Variants in TMC3 observed in about 807,000 individuals in gnomAD.
TMC3 encodes transmembrane channel like 3, also known as transmembrane channel-like protein 3.
TMC3 carries 98 observed loss-of-function variants against 110.6 expected under a neutral mutation model. That is an observed-to-expected ratio of 0.89 (90% CI 0.75 to 1.05). TMC3 has a LOEUF of 1.05. TMC3 is among the 50% of genes least tolerant of loss of function. TMC3 has a pLI of 0.00. For synonymous variants in TMC3, 489 were observed against 513.1 expected (o/e 0.95, Z 0.63); for missense variants, 1,319 against 1,373.2 (o/e 0.96, Z 0.62).
At chr15:81,339,770 C>A (rs1381833895) in intron 16 of TMC3, among the ~76,000 whole-genome samples, 1 of 152,198 alleles carries the variant, frequency 6.6e-6, no homozygotes, top group Non-Finnish European at 1.5e-5. Context: ...CACCTCAAAC[C>A]ATAAAAGTGG....
At chr15:81,356,714 C>G (rs1894072275) in intron 7 of TMC3, 120 bp from the exon 8 acceptor site, 1 of 1,112,000 alleles carries the variant, frequency 9.0e-7, no homozygotes, top group Non-Finnish European at 1.3e-6. Context: ...GACGCAGCTC[C>G]TCGGGTCACA....
chr15:81,338,831 A>G, intron 17 of TMC3, 51 bp from the exon 18 acceptor site: 2 of 1,602,470 alleles, frequency 1.2e-6, no homozygotes, highest in Non-Finnish European at 1.7e-6. Flanking sequence ...TGGCAGAAAG[A>G]TGCTGCAAGA....
chr15:81,369,793 G>C (rs1226130111), intron 2 of TMC3, among the ~76,000 whole-genome samples: 1 of 152,096 alleles, frequency 6.6e-6, no homozygotes, highest in Non-Finnish European at 1.5e-5. Flanking sequence ...GGATGTGGTG[G>C]CACATGACTG....
chr15:81,333,358 C>T, intron 21 of TMC3, 96 bp from the exon 22 acceptor site: 1 of 1,496,194 alleles, frequency 6.7e-7, no homozygotes, highest in Non-Finnish European at 8.9e-7. Flanking sequence ...TGAGCATTTT[C>T]ACTGAGGCTG....
intron 21 of TMC3, 125 bp from the exon 22 acceptor site, chr15:81,333,387 G>A: frequency 7.7e-7 from 1 of 1,300,700 alleles, no homozygotes; most frequent in East Asian, 2.4e-5. Flanking sequence ...TGGTTAATGG[G>A]TATGGATTGT....
intron 10 of TMC3, among the ~76,000 whole-genome samples, chr15:81,350,903 G>A (rs1344886497): frequency 6.6e-6 from 1 of 152,176 alleles, no homozygotes; most frequent in Non-Finnish European, 1.5e-5. Context: ...GGTTGGGGGG[G>A]AGAAGATTGT....
chr15:81,363,273 T>C (rs1194954046), intron 3 of TMC3, among the ~76,000 whole-genome samples: 1 of 152,004 alleles, frequency 6.6e-6, no homozygotes, highest in African/African-American at 2.4e-5. Flanking sequence ...AAAATTGTCT[T>C]ATGTTTTTAA....
Position 81,358,270 on chromosome 15 carries a change from G to C in TMC3, c.622C>G (p.Leu208Val), listed in dbSNP as rs778759327. The C allele has an allele frequency of 8.1e-6, 13 of 1,611,678 alleles. No individual in the cohort carries two copies. Among genetic ancestry groups the C allele is most frequent in the African/African-American group, 8.0e-5 (6 of 74,936 alleles). Residue 208 changes from leucine (L) to valine (V), a missense_variant, in exon 7 of 22, where the codon CTC becomes GTC. Coordinates refer to ENST00000359440, the MANE Select transcript of TMC3 (RefSeq NM_001080532.3). ...SLGGYLQYSVLFYGYYGRERK... is the reference protein window; with the variant it reads ...SLGGYLQYSVVFYGYYGRERK... ...TCCCTGCCGTAATATCCGTAGAAGAGGACAGAGTACTGGAGGTAGCCCTGC... is the reference window on the plus strand; with the variant it reads ...TCCCTGCCGTAATATCCGTAGAAGACGACAGAGTACTGGAGGTAGCCCTGC...
At chr15:81,351,899 T>C in intron 9 of TMC3, 58 bp from the exon 10 acceptor site, 7 of 1,579,870 alleles carry the variant, frequency 4.4e-6, no homozygotes, top group Non-Finnish European at 6.0e-6. Context: ...AGCACCACGA[T>C]GCAAAGACAA....
chr15:81,333,375 A>T, intron 21 of TMC3, 113 bp from the exon 22 acceptor site: 1 of 1,399,300 alleles, frequency 7.1e-7, no homozygotes, highest in Non-Finnish European at 9.6e-7. Context: ...GCTGGTTCCA[A>T]CTGGTTAATG....
Position 81,367,907 on chromosome 15 carries a change from ATG to A in TMC3, c.312+344_312+345del, listed in dbSNP as rs374365071. On this transcript the variant is annotated intron_variant, in intron 3 of 21. Coordinates refer to ENST00000359440, the MANE Select transcript of TMC3 (RefSeq NM_001080532.3). The stretch of plus-strand genomic sequence containing the variant: ...TGGCTCTGGAGACCACAGTGCTCAC[ATG>A]TGTGTGTGTTTTTTGTTGTTGTTGT... Among the ~76,000 whole-genome samples the A allele has an allele frequency of 5.7e-4, 87 of 152,104 alleles. No individual in the cohort carries two copies. The South Asian group carries it at 0.018, about 31-fold the overall frequency.
Position 81,351,717 on chromosome 15 carries a change from G to A in TMC3, c.1060C>T (p.Leu354=), listed in dbSNP as rs1384929290. Residue 354 remains leucine, a synonymous_variant, in exon 10 of 22, where the codon CTG becomes TTG. Coordinates refer to ENST00000359440, the MANE Select transcript of TMC3 (RefSeq NM_001080532.3). ...ACCTCATTCTTTTCCCAAAGTGTCA[G>A]CTCCTTCTTCGACTGCTCCAGCTTC... ...SQKLEQSKKE[L]TLWEKNEVSV... is the part of the protein sequence containing the mutation. 17 of 1,559,020 alleles carry A rather than the reference G, an allele frequency of 1.1e-5. No homozygotes were observed. The highest frequency in any genetic ancestry group is 1.5e-5 in the Non-Finnish European group (17 of 1,151,382).
rs76009010 is a variant in TMC3, at chr15:81,334,708, G to T, written c.2459+12C>A. 6.2e-7 allele frequency: 1 copy of T among 1,611,820 alleles called. No individual in the cohort carries two copies. Among genetic ancestry groups the T allele is most frequent in the Non-Finnish European group, 8.5e-7 (1 of 1,178,388 alleles). ...ATTCCAGGTTTTAATCTGTGCTGCAGTGGAGCCTCACCTGTTAGTTTCATG... is the reference window on the plus strand; with the variant it reads ...ATTCCAGGTTTTAATCTGTGCTGCATTGGAGCCTCACCTGTTAGTTTCATG... On this transcript the variant is annotated intron_variant, in intron 21 of 21. Transcript: ENST00000359440.
intron 3 of TMC3, among the ~76,000 whole-genome samples, chr15:81,365,632 T>C (rs565797916): frequency 1.4e-5 from 2 of 142,902 alleles, no homozygotes; most frequent in South Asian, 4.4e-4. Flanking sequence ...GATTGTGCCA[T>C]TGCACTCCAG....
intron 4 of TMC3, among the ~76,000 whole-genome samples, chr15:81,360,418 TC>T: frequency 6.6e-6 from 1 of 152,356 alleles, no homozygotes; most frequent in South Asian, 2.1e-4. Context: ...AAGTAAATTT[TC>T]CATAACTTAC....
At position 81,344,827 on chromosome 15, in the gene TMC3, T is replaced by C; in HGVS notation, c.1457A>G (p.Asn486Ser). Residue 486 changes from asparagine (N) to serine (S), a missense_variant, in exon 13 of 22, where the codon AAC (asparagine) becomes AGC (serine). Asn to Ser is a conservative substitution (Grantham distance 46). Transcript: ENST00000359440. Reference sequence around the variant, plus strand: ...ACTCTGAGTGTGGAGGCTAGTCTTGTTGGCCTTTATAAGAGGCATGGTATA... The same window carrying C: ...ACTCTGAGTGTGGAGGCTAGTCTTGCTGGCCTTTATAAGAGGCATGGTATA... ...SAYTMPLIKA[N>S]KTSLHTQSPQ... The C allele has an allele frequency of 1.2e-6, 2 of 1,613,996 alleles. No homozygotes were observed. Among genetic ancestry groups the C allele is most frequent in the South Asian group, 1.1e-5 (1 of 91,068 alleles).
chr15:81,355,065 C>A (rs1894030398), intron 9 of TMC3, among the ~76,000 whole-genome samples: 1 of 152,182 alleles, frequency 6.6e-6, no homozygotes, highest in Non-Finnish European at 1.5e-5. Flanking sequence ...TCCTCCCCCA[C>A]TCCCTAAGCT....
At position 81,334,785 on chromosome 15, in the gene TMC3, C is replaced by G. The variant is rs1454270194; in HGVS notation, c.2394G>C (p.Gly798=). 1 of 1,613,878 alleles carries G rather than the reference C, an allele frequency of 6.2e-7. No individual in the cohort carries two copies. The highest frequency in any genetic ancestry group is 8.5e-7 in the Non-Finnish European group (1 of 1,179,884). The part of the protein sequence containing the change: ...AQSMPQSPRP[G]DRAPSSPLPG... ...GGAGAGGTGAGCTAGGAGCCCTGTC[C>G]CCTGGCCTCGGGCTCTGGGGCATGG... is the stretch of plus-strand genomic sequence containing the variant. The change falls in exon 21 of 22, where the codon GGG becomes GGC. Residue 798 remains glycine, a synonymous_variant. Coordinates refer to ENST00000359440, the MANE Select transcript of TMC3 (RefSeq NM_001080532.3).
intron 12 of TMC3, among the ~76,000 whole-genome samples, chr15:81,345,384 G>A (rs571189445): frequency 6.6e-6 from 1 of 152,272 alleles, no homozygotes; most frequent in African/African-American, 2.4e-5. Flanking sequence ...TAAGTGTCAG[G>A]TAAAGACCCA....
Sources: gnomAD v4.1 joint callset for allele counts (sites outside exome capture counted in the v4.1 genomes callset) on GRCh38, gnomAD v4.1.1 for gene constraint, MANE v1.5 for transcripts, NCBI Gene and HGNC (gene_info 2026-07-23, HGNC 2026-07-21) for gene names.